The following TTC13 variants were observed in gnomAD, a reference collection of about 807,000 sequenced individuals.
TTC13 encodes the protein tetratricopeptide repeat protein 13.
TTC13 carries 62 observed loss-of-function variants against 120.0 expected under a neutral mutation model. That is an observed-to-expected ratio of 0.52 (90% CI 0.42 to 0.64). The LOEUF (loss-of-function observed/expected upper bound fraction) is 0.64. Among genes scored for constraint, TTC13 ranks in the 30% least tolerant of loss-of-function variants. The pLI, the probability that TTC13 is intolerant of heterozygous loss-of-function variation, is 0.00. For missense variants in TTC13, 824 were observed against 1,050.2 expected (o/e 0.78, Z 2.98); for synonymous variants, 384 against 393.5 (o/e 0.98, Z 0.28).
intron 12 of TTC13, 79 bp from the exon 13 acceptor site, chr1:230,925,726 C>A: frequency 6.5e-7 from 1 of 1,527,532 alleles, no homozygotes; most frequent in Non-Finnish European, 9.0e-7. Flanking sequence ...GAAGCAGTCA[C>A]TTCCTCCACG....
chr1:230,906,881 A>T lies in TTC13; in HGVS notation c.*24T>A. The stretch of plus-strand genomic sequence containing the variant: ...TAAGAAGCAAGAGGTCCGGCCCTTT[A>T]CTTGTATAAATACAGCAGCAGAACT... On this transcript the variant is annotated 3_prime_UTR_variant, in exon 23 of 23. Transcript: ENST00000366661. The T allele has an allele frequency of 8.1e-7, 1 of 1,227,874 alleles. No homozygotes were observed. Among genetic ancestry groups the T allele is most frequent in the South Asian group, 1.8e-5 (1 of 56,154 alleles). 76.1% of individuals were successfully genotyped at this position (1,227,874 alleles called of 1,614,324 possible).
rs1482794799 is a variant in TTC13 at position 230,921,638 on chromosome 1, C to T, written c.1815-134G>A. The T allele has an allele frequency of 7.7e-5, 41 of 530,922 alleles. No homozygotes were observed. The East Asian group carries it at 1.6e-3, about 21-fold the overall frequency. 32.9% of individuals were successfully genotyped at this position (530,922 alleles called of 1,614,324 possible). A position where few individuals can be genotyped will look rare whatever the true frequency, so the allele number is the denominator to read the frequency against. On this transcript the variant is annotated intron_variant, in intron 15 of 22. Coordinates refer to ENST00000366661, the MANE Select transcript of TTC13 (RefSeq NM_024525.5). ...GTAGAAAAAAAAAGTCTGGGAAATT[C>T]GCTTGTTCATAGTCAATGAGTGGTG...
intron 8 of TTC13, among the ~76,000 whole-genome samples, chr1:230,939,172 G>T (rs1005997175): frequency 2.6e-5 from 4 of 152,146 alleles, no homozygotes; most frequent in African/African-American, 7.2e-5. Context: ...TGTGGAAAAA[G>T]CTTTGCAAAC....
Position 230,926,967 on chromosome 1 carries a change from G to T in TTC13, c.1458-1320C>A, listed in dbSNP as rs535195035. ...TATATACAATATACTCTACAGTTTG[G>T]CTTATGAGCTTTGGGAGAAAAAAAT... On this transcript the variant is annotated intron_variant, in intron 12 of 22. Coordinates refer to ENST00000366661, the MANE Select transcript of TTC13 (RefSeq NM_024525.5). Among the ~76,000 whole-genome samples, 6 of 152,210 alleles carry T rather than the reference G, an allele frequency of 3.9e-5. No homozygotes were observed. In the South Asian group the frequency reaches 1.2e-3, roughly 32 times the overall value.
intron 2 of TTC13, among the ~76,000 whole-genome samples, chr1:230,959,479 TC>T (rs1350207560): frequency 6.6e-6 from 1 of 152,146 alleles, no homozygotes; most frequent in Non-Finnish European, 1.5e-5. Context: ...CCGCCTGGGT[TC>T]AAGCGATTCT....
chr1:230,939,425 T>C lies in TTC13; in HGVS notation c.861A>G (p.Leu287=). 8.1e-6 allele frequency: 13 copies of C among 1,612,882 alleles called. No individual in the cohort carries two copies. The highest frequency in any genetic ancestry group is 1.3e-5 in the African/African-American group (1 of 75,046). ...TGTGAAAGAAAGTTAAACCTTTGTATAGCATAGCTATAGGCTGGTTTTTGT... is the reference window on the plus strand; with the variant it reads ...TGTGAAAGAAAGTTAAACCTTTGTACAGCATAGCTATAGGCTGGTTTTTGT... ...ELNKNQPIAM[L]YKGLTFFHRG... is the part of the protein sequence containing the mutation. The change falls in exon 8 of 23, where the codon CTA becomes CTG. Residue 287 remains leucine (L), a synonymous_variant. Transcript: ENST00000366661.
At chr1:230,936,192 ATT>A (rs1417766087) in intron 8 of TTC13, 3 of 456,028 alleles carry the variant, frequency 6.6e-6, no homozygotes, top group Admixed American at 2.3e-5. Flanking sequence ...TCAAAGTCTG[ATT>A]TCTCTTCAGC....
intron 18 of TTC13, among the ~76,000 whole-genome samples, chr1:230,914,849 G>A (rs1456404476): frequency 6.6e-6 from 1 of 152,110 alleles, no homozygotes; most frequent in Non-Finnish European, 1.5e-5. Context: ...GGTAGTCAAA[G>A]GTTATATGCA....
At chr1:230,914,416 A>G (rs1671816794) in intron 18 of TTC13, among the ~76,000 whole-genome samples, 1 of 151,748 alleles carries the variant, frequency 6.6e-6, no homozygotes, top group African/African-American at 2.4e-5. Context: ...TCTCTTTTTG[A>G]GATGGAGTTC....
Position 230,921,434 on chromosome 1 carries a change from G to C in TTC13, c.1885C>G (p.Leu629Val). 3 of 1,506,170 alleles carry C rather than the reference G, an allele frequency of 2.0e-6. No individual in the cohort carries two copies. The highest frequency in any genetic ancestry group is 2.7e-6 in the Non-Finnish European group (3 of 1,100,340). 93.3% of individuals were successfully genotyped at this position (1,506,170 alleles called of 1,614,324 possible). The change falls in exon 16 of 23, where the codon CTT (leucine) becomes GTT (valine). Residue 629 changes from leucine (L) to valine (V), a missense_variant. Physicochemically the swap from Leu to Val is conservative, Grantham distance 32. Around this residue, in one of 4 missense-constraint regions of TTC13, gnomAD observed 430 missense variants for 626.8 expected, o/e 0.69. Coordinates refer to ENST00000366661, the MANE Select transcript of TTC13 (RefSeq NM_024525.5). Reference sequence around the variant, plus strand: ...TTAAAGGCTTACCCATGATAAACAAGAATTCTGTCTTTAATAAAATGAAGT... The same window carrying C: ...TTAAAGGCTTACCCATGATAAACAACAATTCTGTCTTTAATAAAATGAAGT... The part of the protein sequence containing the change: ...KILHFIKDRI[L>V]VYHGANNPKG...
intron 1 of TTC13, among the ~76,000 whole-genome samples, chr1:230,968,579 G>A (rs908774188): frequency 6.6e-6 from 1 of 152,164 alleles, no homozygotes; most frequent in Non-Finnish European, 1.5e-5. Context: ...GCAGGGGGCA[G>A]GTGGGAGGCC....
intron 17 of TTC13, among the ~76,000 whole-genome samples, chr1:230,919,355 C>A (rs1477728332): frequency 6.6e-6 from 1 of 152,070 alleles, no homozygotes. Flanking sequence ...ACTGCTGCCT[C>A]ACATGACGGA....
rs565060316 is a variant in TTC13 at position 230,930,710 on chromosome 1, G to A, written c.1300+588C>T. On this transcript the variant is annotated intron_variant, in intron 11 of 22. Transcript: ENST00000366661. ...CGAGGCAGGTGGATCACGAGGTCAA[G>A]AGATCGAGACCATCCTGGCCAACAT... 2.0e-5 allele frequency among the ~76,000 whole-genome samples: 3 copies of A among 152,300 alleles called. No homozygotes were observed. The East Asian group carries it at 5.8e-4, about 29-fold the overall frequency.
At chr1:230,963,719 G>A (rs1676867572) in intron 1 of TTC13, among the ~76,000 whole-genome samples, 1 of 152,062 alleles carries the variant, frequency 6.6e-6, no homozygotes, top group Admixed American at 6.6e-5. Context: ...AGAAAGGGAA[G>A]GGGTATTCCG....
chr1:230,947,619 A>C (rs1025305737), intron 4 of TTC13, among the ~76,000 whole-genome samples: 9 of 152,198 alleles, frequency 5.9e-5, no homozygotes, highest in Admixed American at 4.6e-4. Flanking sequence ...GTTGAGCCAC[A>C]TTCAAAGCCA....
At chr1:230,973,799 C>T (rs183985739) in intron 1 of TTC13, among the ~76,000 whole-genome samples, 44 of 152,176 alleles carry the variant, frequency 2.9e-4, no homozygotes, top group Middle Eastern at 3.4e-3. Flanking sequence ...GCAGAGGGGC[C>T]GGGCGTGGTG....
intron 11 of TTC13, among the ~76,000 whole-genome samples, chr1:230,930,047 C>A (rs1380441971): frequency 2.0e-5 from 3 of 152,318 alleles, no homozygotes; most frequent in Non-Finnish European, 4.4e-5. Flanking sequence ...ATTCAATCAT[C>A]AGAAAACTTC....
At position 230,961,261 on chromosome 1, in the gene TTC13, T is replaced by C. The variant is rs954491459; in HGVS notation, c.314A>G (p.Lys105Arg). Reference protein sequence around the residue: ...LNFHDSDCEPKGSSPCDSLLS... With the variant: ...LNFHDSDCEPRGSSPCDSLLS... Reference sequence around the variant, plus strand: ...CAAGGAGTCACAGGGTGATGATCCCTTGGGTTCGCAGTCTGAGTCATGGAA... The same window carrying C: ...CAAGGAGTCACAGGGTGATGATCCCCTGGGTTCGCAGTCTGAGTCATGGAA... The change falls in exon 2 of 23, where the codon AAG (lysine) becomes AGG (arginine). Residue 105 changes from lysine (K) to arginine (R), a missense_variant. By Grantham distance (26) the Lys-to-Arg change is conservative. This residue lies in a region of TTC13 where 8 missense variants were observed against 27.1 expected (regional missense o/e 0.30). Coordinates refer to ENST00000366661, the MANE Select transcript of TTC13 (RefSeq NM_024525.5). 3.1e-6 allele frequency: 5 copies of C among 1,614,000 alleles called. No homozygotes were observed. In the African/African-American group the frequency reaches 6.7e-5, roughly 22 times the overall value.
intron 3 of TTC13, chr1:230,956,274 A>C (rs1572267457): frequency 5.5e-6 from 1 of 182,710 alleles, no homozygotes; most frequent in Non-Finnish European, 1.2e-5. Context: ...ACCACTGTGC[A>C]CTGGAGGGAT....
Sources: gnomAD v4.1 joint callset for allele counts (sites outside exome capture counted in the v4.1 genomes callset) on GRCh38, gnomAD v4.1.1 for gene constraint, gnomAD v4.1.1 regional missense constraint, MANE v1.5 for transcripts, NCBI Gene and HGNC (gene_info 2026-07-23, HGNC 2026-07-21) for gene names.